The following OSTF1 variants were observed in gnomAD, a reference collection of about 807,000 sequenced individuals.
OSTF1 encodes osteoclast stimulating factor 1.
OSTF1 carries 27 observed loss-of-function variants against 37.2 expected under a neutral mutation model. The observed-to-expected ratio is 0.73, with a 90% confidence interval of 0.54 to 1.00. The LOEUF (loss-of-function observed/expected upper bound fraction) is 1.00, where lower values mean the gene tolerates loss of function less well. Among genes scored for constraint, OSTF1 ranks in the 50% least tolerant of loss-of-function variants. The probability of loss-of-function intolerance (pLI) is 0.00; values close to 1 mark genes in which losing one functional copy is unlikely to be tolerated. For missense variants in OSTF1, 232 were observed against 253.8 expected (o/e 0.91, Z 0.58); for synonymous variants, 82 against 89.2 (o/e 0.92, Z 0.46).
intron 1 of OSTF1, among the ~76,000 whole-genome samples, chr9:75,112,844 T>C (rs529931132): frequency 3.3e-4 from 50 of 152,358 alleles, no homozygotes; most frequent in African/African-American, 1.2e-3. Flanking sequence ...TCTATCGTTA[T>C]TGATTTTGGT....
chr9:75,111,347 G>C (rs1264001831), intron 1 of OSTF1, among the ~76,000 whole-genome samples: 1 of 152,132 alleles, frequency 6.6e-6, no homozygotes, highest in African/African-American at 2.4e-5. Context: ...TACAGTGTTT[G>C]GCTGATGACT....
chr9:75,114,179 A>G (rs919291622), intron 1 of OSTF1, among the ~76,000 whole-genome samples: 7 of 151,900 alleles, frequency 4.6e-5, no homozygotes, highest in African/African-American at 1.7e-4. Context: ...GTGTGTATGT[A>G]TCACATTTTA....
chr9:75,134,849 T>C (rs1433948319), intron 7 of OSTF1, among the ~76,000 whole-genome samples: 1 of 152,102 alleles, frequency 6.6e-6, no homozygotes, highest in Non-Finnish European at 1.5e-5. Flanking sequence ...TAAATAGTGT[T>C]CACTGCTTAT....
chr9:75,105,665 A>T (rs1825271046), intron 1 of OSTF1, among the ~76,000 whole-genome samples: 2 of 151,826 alleles, frequency 1.3e-5, no homozygotes, highest in African/African-American at 4.8e-5. Context: ...TCAAGGACAG[A>T]GATCATTTTC....
At chr9:75,116,096 T>C (rs538152993) in intron 1 of OSTF1, among the ~76,000 whole-genome samples, 8 of 151,978 alleles carry the variant, frequency 5.3e-5, no homozygotes, top group Non-Finnish European at 8.8e-5. Flanking sequence ...AGAGTGAGAA[T>C]CTGTTTCAAA....
chr9:75,100,111 A>G (rs1825163884), intron 1 of OSTF1, among the ~76,000 whole-genome samples: 1 of 152,250 alleles, frequency 6.6e-6, no homozygotes, highest in Non-Finnish European at 1.5e-5. Flanking sequence ...ATAGAAGGAT[A>G]TCAAATTCCT....
intron 8 of OSTF1, among the ~76,000 whole-genome samples, chr9:75,137,967 G>T (rs2118613949): frequency 6.6e-6 from 1 of 152,348 alleles, no homozygotes; most frequent in Middle Eastern, 3.4e-3. Context: ...TATAGGTAAA[G>T]TTGCTGAGGC....
intron 2 of OSTF1, among the ~76,000 whole-genome samples, chr9:75,125,223 G>C (rs1825643273): frequency 1.3e-5 from 2 of 152,208 alleles, no homozygotes; most frequent in African/African-American, 2.4e-5. Flanking sequence ...GGTTGGGGCA[G>C]AGGTGGCTGC....
intron 1 of OSTF1, among the ~76,000 whole-genome samples, chr9:75,100,546 A>G (rs1256928899): frequency 2.6e-5 from 4 of 152,138 alleles, no homozygotes; most frequent in Admixed American, 2.6e-4. Flanking sequence ...CCTGGCCAAC[A>G]TGGCGAAACC....
intron 1 of OSTF1, among the ~76,000 whole-genome samples, chr9:75,102,943 A>C (rs964017987): frequency 6.6e-6 from 1 of 152,196 alleles, no homozygotes; most frequent in Admixed American, 6.5e-5. Flanking sequence ...GAAGTGAGGA[A>C]GAGAAAGTGG....
In OSTF1 at chr9:75,128,389, T is replaced by TATATATATTTTGTCC. The variant is rs1564165011; in HGVS notation, c.132+778_132+779insTTTGTCCATATATAT. Among the ~76,000 whole-genome samples the TATATATATTTTGTCC allele has an allele frequency of 3.1e-5, 3 of 98,220 alleles. 1 individual carries two copies. 64.4% of individuals were successfully genotyped at this position (98,220 alleles called of 152,430 possible). A position where few individuals can be genotyped will look rare whatever the true frequency, so the allele number is the denominator to read the frequency against. Reference sequence around the variant, plus strand: ...ATATATATATATATATATATATATATATATATATATATATATATTTTGTCC... The same window carrying TATATATATTTTGTCC: ...ATATATATATATATATATATATATATATATATATTTTGTCCATATATATATATATATATTTTGTCC... On this transcript the variant is annotated intron_variant, in intron 3 of 9. Transcript: ENST00000346234.
At chr9:75,098,657 T>C (rs1368101868) in intron 1 of OSTF1, among the ~76,000 whole-genome samples, 1 of 152,248 alleles carries the variant, frequency 6.6e-6, no homozygotes, top group Non-Finnish European at 1.5e-5. Context: ...CGTATTCTAC[T>C]AGATTTTAGA....
chr9:75,145,168 TATCTATCTA>T (rs1564172064), intron 9 of OSTF1, among the ~76,000 whole-genome samples: 10 of 68,518 alleles, frequency 1.5e-4, no homozygotes, highest in Non-Finnish European at 3.1e-4. Flanking sequence ...TCTACCTATC[TATCTATCTA>T]ATCTATCTAT....
At chr9:75,095,854 A>T (rs1825072752) in intron 1 of OSTF1, among the ~76,000 whole-genome samples, 1 of 151,758 alleles carries the variant, frequency 6.6e-6, no homozygotes, top group Non-Finnish European at 1.5e-5. Context: ...TAGCAACTGC[A>T]AATCAATTAA....
intron 5 of OSTF1, among the ~76,000 whole-genome samples, chr9:75,132,972 T>TACAC (rs57913558): frequency 0.028 from 1,679 of 60,280 alleles, 20 homozygotes; most frequent in African/African-American, 0.044. Context: ...TACACACACA[T>TACAC]ACACACACAC....
At chr9:75,118,828 A>G (rs561216147) in intron 2 of OSTF1, among the ~76,000 whole-genome samples, 1 of 152,296 alleles carries the variant, frequency 6.6e-6, no homozygotes, top group South Asian at 2.1e-4. Context: ...TGATTCAATT[A>G]TCTCCCACCA....
intron 1 of OSTF1, among the ~76,000 whole-genome samples, chr9:75,107,104 G>A (rs1825301587): frequency 6.6e-6 from 1 of 152,086 alleles, no homozygotes; most frequent in Non-Finnish European, 1.5e-5. Context: ...AAAGCCAGAG[G>A]TTGAGGGGGA....
chr9:75,094,299 T>C (rs1825033120), intron 1 of OSTF1, among the ~76,000 whole-genome samples: 1 of 152,164 alleles, frequency 6.6e-6, no homozygotes, highest in Non-Finnish European at 1.5e-5. Context: ...TTTTATTTCT[T>C]TGTAACTGCA....
chr9:75,127,427 G>A, intron 2 of OSTF1, 142 bp from the exon 3 acceptor site: 1 of 470,440 alleles, frequency 2.1e-6, no homozygotes, highest in Non-Finnish European at 3.8e-6. Context: ...TTTTTCAGTA[G>A]TGTTTTATTA....
Sources: gnomAD v4.1 joint callset for allele counts (sites outside exome capture counted in the v4.1 genomes callset) on GRCh38, gnomAD v4.1.1 for gene constraint, MANE v1.5 for transcripts, NCBI Gene and HGNC (gene_info 2026-07-23, HGNC 2026-07-21) for gene names.